TPCN2: variants seen among roughly 807,000 people sequenced by gnomAD.
The protein encoded by TPCN2 is two pore channel protein 2.
In TPCN2, 92 loss-of-function variants were observed where a neutral mutation model predicts 111.4. The observed-to-expected ratio is 0.83, with a 90% confidence interval of 0.70 to 0.98. The LOEUF (loss-of-function observed/expected upper bound fraction) is 0.98. TPCN2 is among the 50% of genes least tolerant of loss of function. The pLI, the probability that TPCN2 is intolerant of heterozygous loss-of-function variation, is 0.00. For synonymous variants in TPCN2, 405 were observed against 414.5 expected, an observed-to-expected ratio of 0.98 and a Z score of 0.28; for missense variants, 995 against 980.1, an observed-to-expected ratio of 1.02 and a Z score of -0.20.
chr11:69,051,601 G>A (rs1419725548), intron 1 of TPCN2, among the ~76,000 whole-genome samples: 1 of 152,226 alleles, frequency 6.6e-6, no homozygotes, highest in Admixed American at 6.5e-5. Flanking sequence ...TTAGGAAGCC[G>A]TGTCGAGGCC....
At chr11:69,086,444 C>T in intron 22 of TPCN2, 79 bp from the exon 23 acceptor site, 1 of 1,212,178 alleles carries the variant, frequency 8.2e-7, no homozygotes, top group Non-Finnish European at 1.2e-6. Context: ...GCTGTCCTGG[C>T]CACGCAGCAG....
chr11:69,077,782 C>T (rs1855854896), intron 13 of TPCN2, among the ~76,000 whole-genome samples: 1 of 152,210 alleles, frequency 6.6e-6, no homozygotes, highest in Admixed American at 6.5e-5. Flanking sequence ...GCTGTAGCCA[C>T]GTGTCACATG....
chr11:69,066,145 G>A (rs1289933228), intron 7 of TPCN2, among the ~76,000 whole-genome samples: 4 of 152,172 alleles, frequency 2.6e-5, no homozygotes, highest in African/African-American at 7.2e-5. Context: ...CTCCATGGGC[G>A]CTCGGTGGGT....
intron 24 of TPCN2, 148 bp from the exon 25 acceptor site, chr11:69,087,727 C>A: frequency 1.6e-6 from 1 of 615,650 alleles, no homozygotes; most frequent in Non-Finnish European, 2.9e-6. Flanking sequence ...CTACATCCAT[C>A]CTGAGGCTCA....
chr11:69,085,636 C>T (rs1340987340), intron 20 of TPCN2, 35 bp from the exon 21 acceptor site: 2 of 1,410,896 alleles, frequency 1.4e-6, no homozygotes. Context: ...AACCTGGAGC[C>T]CCCGCCCCTG....
intron 7 of TPCN2, among the ~76,000 whole-genome samples, chr11:69,065,498 G>C (rs560113619): frequency 6.6e-6 from 1 of 152,190 alleles, no homozygotes; most frequent in South Asian, 2.1e-4. Flanking sequence ...CGTGCTTGTC[G>C]TGGTCTTGGC....
intron 2 of TPCN2, 177 bp downstream of exon 2, chr11:69,054,274 C>T (rs1854644172): frequency 1.6e-6 from 1 of 610,164 alleles, no homozygotes; most frequent in East Asian, 2.8e-5. Flanking sequence ...GACTTGTCTT[C>T]TGCATCCTGG....
intron 5 of TPCN2, among the ~76,000 whole-genome samples, chr11:69,062,653 AG>A (rs955066375): frequency 5.7e-4 from 86 of 152,082 alleles, no homozygotes; most frequent in African/African-American, 1.8e-3. Context: ...AGCGCCCAGG[AG>A]TTGGGAGATG....
At position 69,055,190 on chromosome 11, in the gene TPCN2, C is replaced by T. The variant is rs115204200; in HGVS notation, c.267C>T (p.Thr89=). The T allele has an allele frequency of 1.2e-3, 1,928 of 1,614,074 alleles. 21 individuals are homozygous for T. In the African/African-American group the frequency reaches 0.023, roughly 19 times the overall value. The change falls in exon 4 of 25, where the codon ACC becomes ACT. Residue 89 remains threonine, a synonymous_variant. Coordinates refer to ENST00000294309, the MANE Select transcript of TPCN2 (RefSeq NM_139075.4). The stretch of plus-strand genomic sequence containing the variant: ...CCCTTTCCAGGACTTTGAGCTTCAC[C>T]ATCTTCTTGATCCTGTTTTTGGCTT... ...SNVCQRTLSF[T]IFLILFLAFI...
At position 69,055,401 on chromosome 11, in the gene TPCN2, C is replaced by T. The variant is rs760070294; in HGVS notation, c.429+49C>T. 2.0e-5 allele frequency: 30 copies of T among 1,504,664 alleles called. No homozygotes were observed. In the Admixed American group the frequency reaches 6.7e-4, roughly 33 times the overall value. The allele number at this position is 1,504,664 out of a possible 1,614,324, so 93.2% of individuals were successfully genotyped here. The stretch of plus-strand genomic sequence containing the variant: ...ACGTGCTGCCCCGGCCTCCCAGCGC[C>T]TGGCCGCTGCTCTCCTGGTTTATTG... On this transcript the variant is annotated intron_variant, in intron 4 of 24. Transcript: ENST00000294309.
intron 17 of TPCN2, among the ~76,000 whole-genome samples, chr11:69,080,519 T>C (rs539247443): frequency 1.3e-5 from 2 of 152,296 alleles, no homozygotes; most frequent in South Asian, 4.1e-4. Flanking sequence ...GTGGCTCTGG[T>C]GTGCCCGTGA....
Position 69,067,543 on chromosome 11 carries a change from A to G in TPCN2, c.767A>G (p.Gln256Arg), listed in dbSNP as rs1449782617. ...GQDRERLTYF[Q>R]NLPESLTSLL... Reference sequence around the variant, plus strand: ...GACAGGGAGAGGCTGACCTACTTCCAGAACCTGCCTGAGTCTCTGACTTCC... The same window carrying G: ...GACAGGGAGAGGCTGACCTACTTCCGGAACCTGCCTGAGTCTCTGACTTCC... Residue 256 changes from glutamine to arginine, a missense_variant, in exon 8 of 25, where the codon CAG becomes CGG. Physicochemically the swap from Gln to Arg is conservative, Grantham distance 43. Coordinates refer to ENST00000294309, the MANE Select transcript of TPCN2 (RefSeq NM_139075.4). The G allele has an allele frequency of 6.2e-7, 1 of 1,614,048 alleles. No individual in the cohort carries two copies. The highest frequency in any genetic ancestry group is 1.3e-5 in the African/African-American group (1 of 75,074).
intron 4 of TPCN2, 152 bp from the exon 5 acceptor site, chr11:69,057,426 C>T (rs1854821791): frequency 2.7e-6 from 2 of 733,840 alleles, no homozygotes; most frequent in Non-Finnish European, 2.4e-6. Context: ...CTCGGGCCTC[C>T]TGACTGCTGC....
Position 69,081,480 on chromosome 11 carries a change from G to A in TPCN2, c.1670G>A (p.Arg557His), listed in dbSNP as rs146072177. The A allele has an allele frequency of 1.3e-5, 21 of 1,570,416 alleles. No individual in the cohort carries two copies. The African/African-American group carries it at 1.8e-4, about 13-fold the overall frequency. Residue 557 changes from arginine to histidine, a missense_variant, in exon 18 of 25, where the codon CGT becomes CAT. Transcript: ENST00000294309. ...ATGCTCATCGTGTTCCGCTTCCTGC[G>A]TATCATCCCCAGCATGAAGGTGTGT... ...LNMLIVFRFLRIIPSMKLMAV... is the reference protein window; with the variant it reads ...LNMLIVFRFLHIIPSMKLMAV...
chr11:69,055,937 G>C (rs1422998026), intron 4 of TPCN2, among the ~76,000 whole-genome samples: 1 of 152,236 alleles, frequency 6.6e-6, no homozygotes, highest in African/African-American at 2.4e-5. Context: ...GGTTTCTTAT[G>C]CACACAGCAG....
Position 69,067,578 on chromosome 11 carries a change from C to T in TPCN2, c.802C>T (p.Leu268=). Residue 268 remains leucine, a synonymous_variant, in exon 8 of 25, where the codon CTG becomes TTG. Transcript: ENST00000294309. The part of the protein sequence containing the change: ...LPESLTSLLV[L]LTTANNPDVM... ...TGAGTCTCTGACTTCCCTCCTGGTG[C>T]TGCTGACCACGGCCAACAACCCCGA... 1.2e-6 allele frequency: 2 copies of T among 1,614,052 alleles called. No homozygotes were observed. Among genetic ancestry groups the T allele is most frequent in the Non-Finnish European group, 1.7e-6 (2 of 1,180,012 alleles).
Position 69,081,390 on chromosome 11 carries a change from C to G in TPCN2, c.1590-10C>G, listed in dbSNP as rs1326860282. 6.5e-7 allele frequency: 1 copy of G among 1,537,964 alleles called. No individual in the cohort carries two copies. Among genetic ancestry groups the G allele is most frequent in the East Asian group, 2.4e-5 (1 of 41,258 alleles). ...GCTCCTCCCAACCCGCCTCCCGTGT[C>G]TCTCCCCAGGAGGCCGGAGATGGTG... On this transcript the variant is annotated splice_polypyrimidine_tract_variant and intron_variant, in intron 17 of 24. Coordinates refer to ENST00000294309, the MANE Select transcript of TPCN2 (RefSeq NM_139075.4).
chr11:69,085,102 G>C, intron 19 of TPCN2, 108 bp from the exon 20 acceptor site: 1 of 1,080,022 alleles, frequency 9.3e-7, no homozygotes, highest in Non-Finnish European at 1.4e-6. Flanking sequence ...CTGGGCAGAG[G>C]GTCCTGGCCT....
At chr11:69,058,043 C>G (rs1565081073) in intron 5 of TPCN2, among the ~76,000 whole-genome samples, 1 of 152,232 alleles carries the variant, frequency 6.6e-6, no homozygotes, top group Non-Finnish European at 1.5e-5. Flanking sequence ...ACCAGGGCCT[C>G]ACCATGCCCC....
Sources: gnomAD v4.1 joint callset for allele counts (sites outside exome capture counted in the v4.1 genomes callset) on GRCh38, gnomAD v4.1.1 for gene constraint, MANE v1.5 for transcripts, NCBI Gene and HGNC (gene_info 2026-07-23, HGNC 2026-07-21) for gene names.